The following POU6F2 variants were observed in gnomAD, a reference collection of about 807,000 sequenced individuals.
POU6F2 encodes POU class 6 homeobox 2, also known as POU domain, class 6, transcription factor 2.
POU6F2 carries 31 observed loss-of-function variants against 71.3 expected under a neutral mutation model. That is an observed-to-expected ratio of 0.43 (90% CI 0.33 to 0.59). The LOEUF (loss-of-function observed/expected upper bound fraction) is 0.59, where lower values mean the gene tolerates loss of function less well. Among genes scored for constraint, POU6F2 ranks in the 20% least tolerant of loss-of-function variants. POU6F2 has a pLI of 0.04. For synonymous variants in POU6F2, 347 were observed against 355.7 expected (o/e 0.98, Z 0.27); for missense variants, 783 against 856.8 (o/e 0.91, Z 1.07).
intron 7 of POU6F2, among the ~76,000 whole-genome samples, chr7:39,433,830 G>A (rs1476013979): frequency 6.6e-6 from 1 of 152,172 alleles, no homozygotes; most frequent in Non-Finnish European, 1.5e-5. Flanking sequence ...TGGGTCCACA[G>A]CACAGAAAAA....
At chr7:39,238,598 C>T (rs1427206854) in intron 4 of POU6F2, among the ~76,000 whole-genome samples, 2 of 152,196 alleles carry the variant, frequency 1.3e-5, no homozygotes, top group Non-Finnish European at 2.9e-5. Context: ...AGTTTGCCAA[C>T]ACTTGCTCTA....
intron 4 of POU6F2, among the ~76,000 whole-genome samples, chr7:39,221,589 T>C (rs934991585): frequency 6.6e-6 from 1 of 152,050 alleles, no homozygotes; most frequent in East Asian, 1.9e-4. Context: ...GGTTTCACCA[T>C]GTTGGCCAGG....
At chr7:39,147,471 G>A (rs1525793) in intron 2 of POU6F2, among the ~76,000 whole-genome samples, 59,840 of 151,980 alleles carry the variant, frequency 0.39, 12,492 homozygotes, top group African/African-American at 0.52. Context: ...AGTTGAGGTC[G>A]CTTGTAAACT....
At chr7:39,425,612 C>G (rs1225026469) in intron 6 of POU6F2, among the ~76,000 whole-genome samples, 5 of 152,184 alleles carry the variant, frequency 3.3e-5, no homozygotes, top group Admixed American at 3.3e-4. Context: ...TAAATAGCAG[C>G]CGCTACCTCT....
At chr7:39,346,681 T>C (rs889686310) in intron 5 of POU6F2, among the ~76,000 whole-genome samples, 3 of 152,234 alleles carry the variant, frequency 2.0e-5, no homozygotes, top group African/African-American at 7.2e-5. Flanking sequence ...ATGCCCAAAA[T>C]ATGCCGGCTG....
chr7:39,099,377 C>T (rs1478113323), intron 2 of POU6F2, among the ~76,000 whole-genome samples: 1 of 152,184 alleles, frequency 6.6e-6, no homozygotes, highest in Admixed American at 6.5e-5. Flanking sequence ...TCCGCTGTCC[C>T]TCCCTCCCTC....
At chr7:39,392,070 C>T (rs1787085556) in intron 5 of POU6F2, among the ~76,000 whole-genome samples, 1 of 152,192 alleles carries the variant, frequency 6.6e-6, no homozygotes, top group Non-Finnish European at 1.5e-5. Context: ...CCATATGTTC[C>T]TACTTGCTGA....
At position 39,125,585 on chromosome 7, in the gene POU6F2, T is replaced by A. The variant is rs148772787; in HGVS notation, c.277+39554T>A. 1.1e-3 allele frequency among the ~76,000 whole-genome samples: 164 copies of A among 152,242 alleles called. 1 individual carries two copies. Among genetic ancestry groups the A allele is most frequent in the Non-Finnish European group, 1.6e-3 (108 of 68,006 alleles). On this transcript the variant is annotated intron_variant, in intron 2 of 9. Coordinates refer to ENST00000518318, the MANE Select transcript of POU6F2 (RefSeq NM_001370959.1). ...CTGAAATAAGAATCATTTCTGGATT[T>A]TCTAGTCTCATTCATTTTCAGTAGG...
Position 38,998,262 on chromosome 7 carries a change from G to A in POU6F2, c.105+20204G>A, listed in dbSNP as rs148830066. ...TTACCTGTGACATCTCCTAGACCTT[G>A]CAAGTTCCCAAGATTGGGGTGGTGG... On this transcript the variant is annotated intron_variant, in intron 1 of 9. Coordinates refer to ENST00000518318, the MANE Select transcript of POU6F2 (RefSeq NM_001370959.1). 4.0e-3 allele frequency among the ~76,000 whole-genome samples: 615 copies of A among 152,196 alleles called. 1 individual carries two copies. Among genetic ancestry groups the A allele is most frequent in the African/African-American group, 0.014 (586 of 41,538 alleles).
chr7:39,104,601 G>C (rs1791638452), intron 2 of POU6F2, among the ~76,000 whole-genome samples: 1 of 152,166 alleles, frequency 6.6e-6, no homozygotes, highest in South Asian at 2.1e-4. Flanking sequence ...TCATAAACTA[G>C]ACTTTTCTAA....
intron 1 of POU6F2, among the ~76,000 whole-genome samples, chr7:39,010,006 A>C (rs1193989221): frequency 6.7e-6 from 1 of 150,288 alleles, no homozygotes; most frequent in Non-Finnish European, 1.5e-5. Flanking sequence ...TGTCTCTGCC[A>C]GGCTTTGGTA....
At chr7:39,256,260 C>T (rs1382935980) in intron 4 of POU6F2, among the ~76,000 whole-genome samples, 9 of 152,112 alleles carry the variant, frequency 5.9e-5, no homozygotes, top group South Asian at 2.1e-4. Flanking sequence ...AGGCCCTCAA[C>T]GAGTGCTTAG....
At chr7:39,001,846 C>T (rs766844675) in intron 1 of POU6F2, among the ~76,000 whole-genome samples, 2 of 151,262 alleles carry the variant, frequency 1.3e-5, no homozygotes, top group Non-Finnish European at 2.9e-5. Flanking sequence ...TGATGATAGT[C>T]ATGGTGATGT....
At chr7:39,179,467 G>C (rs1249695236) in intron 2 of POU6F2, among the ~76,000 whole-genome samples, 1 of 152,258 alleles carries the variant, frequency 6.6e-6, no homozygotes, top group Non-Finnish European at 1.5e-5. Flanking sequence ...TCTGGCACTT[G>C]CTAAGCCCAA....
chr7:39,190,108 C>T (rs974844131), intron 2 of POU6F2, among the ~76,000 whole-genome samples: 2 of 151,688 alleles, frequency 1.3e-5, no homozygotes, highest in African/African-American at 4.8e-5. Flanking sequence ...GTTGTCCAGG[C>T]TGGTCTCAAT....
At chr7:39,405,742 G>A (rs759381908) in intron 5 of POU6F2, among the ~76,000 whole-genome samples, 4 of 152,182 alleles carry the variant, frequency 2.6e-5, no homozygotes, top group South Asian at 4.1e-4. Flanking sequence ...AACCTGTGGC[G>A]TGGAAAATTG....
chr7:39,144,098 AG>A (rs1483566354), intron 2 of POU6F2, among the ~76,000 whole-genome samples: 3 of 152,212 alleles, frequency 2.0e-5, no homozygotes, highest in African/African-American at 7.2e-5. Context: ...AGTACCTTTG[AG>A]GTGTCAGGCA....
At chr7:39,325,454 C>T (rs1785485898) in intron 4 of POU6F2, among the ~76,000 whole-genome samples, 1 of 152,146 alleles carries the variant, frequency 6.6e-6, no homozygotes, top group Admixed American at 6.5e-5. Flanking sequence ...AAAGTTCAGC[C>T]TAGATAAGAA....
chr7:39,147,947 A>G (rs1792655710), intron 2 of POU6F2, among the ~76,000 whole-genome samples: 1 of 152,190 alleles, frequency 6.6e-6, no homozygotes, highest in Non-Finnish European at 1.5e-5. Flanking sequence ...CAAATCTTCT[A>G]AAGTAGTTTT....
Sources: gnomAD v4.1 joint callset for allele counts (sites outside exome capture counted in the v4.1 genomes callset) on GRCh38, gnomAD v4.1.1 for gene constraint, MANE v1.5 for transcripts, NCBI Gene and HGNC (gene_info 2026-07-23, HGNC 2026-07-21) for gene names.